Variants in PRDM16 observed in about 807,000 individuals in gnomAD.
PRDM16 encodes the protein PR/SET domain 16, also known as histone-lysine N-methyltransferase PRDM16.
Under a neutral mutation model 110.6 loss-of-function variants are expected in PRDM16, and 23 were observed. The observed-to-expected ratio is 0.21, with a 90% CI of 0.15 to 0.29. The LOEUF (loss-of-function observed/expected upper bound fraction) is 0.29, where lower values mean the gene tolerates loss of function less well. Ranked by LOEUF, PRDM16 falls within the 10% of genes least tolerant of loss-of-function variation. The pLI, the probability that PRDM16 is intolerant of heterozygous loss-of-function variation, is 1.00. For missense variants in PRDM16, 1,615 were observed against 1,794.3 expected (o/e 0.90, Z 1.81); for synonymous variants, 799 against 781.8 (o/e 1.02, Z -0.37).
intron 3 of PRDM16, among the ~76,000 whole-genome samples, chr1:3,315,449 G>A (rs535555004): frequency 9.5e-4 from 145 of 152,266 alleles, no homozygotes; most frequent in African/African-American, 3.4e-3. Context: ...ACCAAGGAGG[G>A]CCGGGTAGGA....
At chr1:3,416,197 C>T (rs899594690) in intron 10 of PRDM16, among the ~76,000 whole-genome samples, 1 of 152,204 alleles carries the variant, frequency 6.6e-6, no homozygotes, top group Non-Finnish European at 1.5e-5. Flanking sequence ...AGCAAAACGT[C>T]CCCACCACTG....
chr1:3,240,147 A>T (rs923364589), intron 2 of PRDM16, among the ~76,000 whole-genome samples: 1 of 151,604 alleles, frequency 6.6e-6, no homozygotes, highest in Non-Finnish European at 1.5e-5. Context: ...GAAAAGTTAG[A>T]GCCGAGCTGG....
intron 3 of PRDM16, among the ~76,000 whole-genome samples, chr1:3,281,994 G>A (rs565967666): frequency 2.4e-4 from 36 of 152,350 alleles, no homozygotes; most frequent in African/African-American, 8.2e-4. Flanking sequence ...CTGCAGGAAA[G>A]GCCTTGGGCT....
rs1354601208 is a variant in PRDM16, at chr1:3,437,199, C to T, written c.*3388C>T. The T allele has an allele frequency of 4.3e-6, 1 of 232,434 alleles. No homozygotes were observed. Among genetic ancestry groups the T allele is most frequent in the Non-Finnish European group, 8.5e-6 (1 of 117,678 alleles). The allele number at this position is 232,434 out of a possible 1,614,324, so 14.4% of individuals were successfully genotyped here. ...TGAGAGACTGCCCAGCTGGAGAGGC[C>T]TTCCTTTACAAGGCCACGCGTGCAG... is the stretch of plus-strand genomic sequence containing the variant. On this transcript the variant is annotated 3_prime_UTR_variant, in exon 17 of 17. Coordinates refer to ENST00000270722, the MANE Select transcript of PRDM16 (RefSeq NM_022114.4).
At chr1:3,343,226 G>A (rs151005759) in intron 3 of PRDM16, among the ~76,000 whole-genome samples, 11 of 148,310 alleles carry the variant, frequency 7.4e-5, no homozygotes, top group African/African-American at 2.5e-4. Flanking sequence ...TGTGGATCTA[G>A]TATGCATTTC....
chr1:3,376,796 G>A (rs1031269294), intron 3 of PRDM16, among the ~76,000 whole-genome samples: 19 of 145,046 alleles, frequency 1.3e-4, no homozygotes, highest in African/African-American at 4.6e-4. Flanking sequence ...AGCCTAAGCA[G>A]GTGGGCCCCA....
intron 1 of PRDM16, among the ~76,000 whole-genome samples, chr1:3,101,467 G>A (rs563305363): frequency 2.6e-5 from 4 of 152,344 alleles, no homozygotes; most frequent in South Asian, 2.1e-4. Context: ...CAGCGTGAGC[G>A]GACGTCCCAG....
At chr1:3,124,515 C>T (rs146437174) in intron 1 of PRDM16, among the ~76,000 whole-genome samples, 6 of 152,286 alleles carry the variant, frequency 3.9e-5, no homozygotes, top group African/African-American at 1.2e-4. Flanking sequence ...TGGAAGGCAG[C>T]GATGCTTACC....
At chr1:3,343,048 T>A (rs1165854838) in intron 3 of PRDM16, among the ~76,000 whole-genome samples, 5 of 152,104 alleles carry the variant, frequency 3.3e-5, no homozygotes, top group East Asian at 3.9e-4. Context: ...GTAGGATACA[T>A]GAATGTCTAC....
At chr1:3,416,428 G>A (rs1382228683) in intron 10 of PRDM16, among the ~76,000 whole-genome samples, 1 of 152,180 alleles carries the variant, frequency 6.6e-6, no homozygotes, top group African/African-American at 2.4e-5. Flanking sequence ...CTGTGGAGCT[G>A]GCTCTGAGCA....
intron 3 of PRDM16, among the ~76,000 whole-genome samples, chr1:3,285,786 A>G (rs1207718907): frequency 6.6e-6 from 1 of 152,030 alleles, no homozygotes; most frequent in East Asian, 1.9e-4. Context: ...ACCACCGGAC[A>G]CCTGGCATGT....
At chr1:3,077,095 G>C (rs1379901832) in intron 1 of PRDM16, among the ~76,000 whole-genome samples, 1 of 152,244 alleles carries the variant, frequency 6.6e-6, no homozygotes, top group African/African-American at 2.4e-5. Context: ...TGTGTGGTGT[G>C]CTATGGAGTT....
At chr1:3,094,741 G>A (rs771181272) in intron 1 of PRDM16, among the ~76,000 whole-genome samples, 16 of 152,242 alleles carry the variant, frequency 1.1e-4, no homozygotes, top group Non-Finnish European at 1.5e-4. Flanking sequence ...TGGCTGCGCC[G>A]TTCCTGCTTA....
chr1:3,303,849 T>C (rs1377245974), intron 3 of PRDM16, among the ~76,000 whole-genome samples: 195 of 88,044 alleles, frequency 2.2e-3, no homozygotes, highest in Middle Eastern at 0.01. Context: ...GACAGTGACA[T>C]GAGACCCCAG....
intron 2 of PRDM16, among the ~76,000 whole-genome samples, chr1:3,199,086 A>G (rs1160874481): frequency 6.6e-6 from 1 of 152,148 alleles, no homozygotes; most frequent in Non-Finnish European, 1.5e-5. Flanking sequence ...CCTTCGTTTC[A>G]GCCCTGGCGC....
At chr1:3,409,156 TGA>T (rs754868018) in intron 8 of PRDM16, among the ~76,000 whole-genome samples, 341 of 137,556 alleles carry the variant, frequency 2.5e-3, no homozygotes, top group Non-Finnish European at 3.6e-3. Flanking sequence ...TGGGTGTGTG[TGA>T]GTGAGTGTGG....
At position 3,382,389 on chromosome 1, in the gene PRDM16, C is replaced by T. The variant is rs1643116856; in HGVS notation, c.439-2763C>T. On this transcript the variant is annotated intron_variant, in intron 3 of 16. Coordinates refer to ENST00000270722, the MANE Select transcript of PRDM16 (RefSeq NM_022114.4). This position sits in a 1 kb window ranked among gnomAD's most constrained non-coding sequence, Gnocchi z 6.6. ...GTGACCTCCCTGGACAGCGTGAGGA[C>T]CCTTCCTGCAGCCCCTTTAGGGACC... 6.6e-6 allele frequency among the ~76,000 whole-genome samples: 1 copy of T among 152,214 alleles called. No individual in the cohort carries two copies. Among genetic ancestry groups the T allele is most frequent in the Admixed American group, 6.5e-5 (1 of 15,290 alleles).
chr1:3,152,704 G>A lies in PRDM16; in HGVS notation c.38-33421G>A, dbSNP rs533132203. Among the ~76,000 whole-genome samples the A allele has an allele frequency of 2.3e-3, 349 of 152,342 alleles. 2 individuals are homozygous for A. Among genetic ancestry groups the A allele is most frequent in the African/African-American group, 7.8e-3 (325 of 41,586 alleles). ...CTATGTTGCCGTCCGTCGTCCATCT[G>A]GTTTCTGATGCGTGGCTGGGCCAGG... On this transcript the variant is annotated intron_variant, in intron 1 of 16. Transcript: ENST00000270722.
At chr1:3,158,473 C>T (rs912716365) in intron 1 of PRDM16, among the ~76,000 whole-genome samples, 5 of 152,034 alleles carry the variant, frequency 3.3e-5, no homozygotes, top group African/African-American at 1.2e-4. Context: ...CCTATTTTCT[C>T]GCCTATACCT....
Sources: gnomAD v4.1 joint callset for allele counts (sites outside exome capture counted in the v4.1 genomes callset) on GRCh38, gnomAD v4.1.1 for gene constraint, Gnocchi (gnomAD v3.1) non-coding constraint, MANE v1.5 for transcripts, NCBI Gene and HGNC (gene_info 2026-07-23, HGNC 2026-07-21) for gene names.